LRRC8E: variants seen among roughly 807,000 people sequenced by gnomAD.
The protein encoded by LRRC8E is volume-regulated anion channel subunit LRRC8E.
LRRC8E carries 6 observed loss-of-function variants against 6.1 expected under a neutral mutation model. That is an observed-to-expected ratio of 0.98 (90% CI 0.54 to 1.93). The LOEUF is 1.93. LRRC8E is among the 30% of genes most tolerant of loss of function. LRRC8E has a pLI of 0.01. For missense variants in LRRC8E, 1,028 were observed against 1,031.4 expected (o/e 1.00, Z 0.04); for synonymous variants, 485 against 472.8 (o/e 1.03, Z -0.33).
intron 1 of LRRC8E, among the ~76,000 whole-genome samples, chr19:7,894,506 C>T (rs1326486270): frequency 6.6e-6 from 1 of 152,208 alleles, no homozygotes; most frequent in Non-Finnish European, 1.5e-5. Flanking sequence ...GGATTACAGG[C>T]ATGAGCCACC....
chr19:7,900,711 G>A lies in LRRC8E; in HGVS notation c.2189G>A (p.Gly730Asp). ...FCRKLRTLLL[G>D]DNQLSQLSPH... The stretch of plus-strand genomic sequence containing the variant: ...CGCAAGCTGCGGACGTTGCTTCTGG[G>A]CGACAACCAGCTGAGCCAGCTCTCG... The change falls in exon 3 of 3, where the codon GGC (glycine) becomes GAC (aspartate). Residue 730 changes from glycine (G) to aspartate (D), a missense_variant. Gly to Asp is a moderately conservative substitution (Grantham distance 94). Coordinates refer to ENST00000306708, the MANE Select transcript of LRRC8E (RefSeq NM_025061.6). This position sits in a 1 kb window ranked among gnomAD's most constrained non-coding sequence, Gnocchi z 5.0. 1 of 1,613,332 alleles carries A rather than the reference G, an allele frequency of 6.2e-7. No individual in the cohort carries two copies. The highest frequency in any genetic ancestry group is 8.5e-7 in the Non-Finnish European group (1 of 1,179,992).
intron 2 of LRRC8E, among the ~76,000 whole-genome samples, chr19:7,898,177 C>T (rs1260543120): frequency 7.0e-6 from 1 of 143,010 alleles, no homozygotes; most frequent in Non-Finnish European, 1.5e-5. Flanking sequence ...CCACTGCACA[C>T]AGCCTGACAG....
rs111819396 is a variant in LRRC8E at position 7,888,610 on chromosome 19, T to A, written c.-6+10T>A. On this transcript the variant is annotated intron_variant, in intron 1 of 2. Transcript: ENST00000306708. The stretch of plus-strand genomic sequence containing the variant: ...CGTCCCTCCCGGAACGGTGAGTAGG[T>A]GGCTCTTTGCCTCTGGACACCCCAC... The A allele has an allele frequency of 8.3e-4, 126 of 152,248 alleles. 1 individual carries two copies. Among genetic ancestry groups the A allele is most frequent in the African/African-American group, 2.4e-3 (99 of 41,552 alleles). 9.4% of individuals were successfully genotyped at this position (152,248 alleles called of 1,614,324 possible).
chr19:7,890,528 G>A (rs930274027), intron 1 of LRRC8E, among the ~76,000 whole-genome samples: 11 of 151,964 alleles, frequency 7.2e-5, no homozygotes, highest in African/African-American at 1.2e-4. Flanking sequence ...GGTGGCGCAC[G>A]CCTGTAATCC....
At position 7,899,145 on chromosome 19, in the gene LRRC8E, C is replaced by T. The variant is rs767909728; in HGVS notation, c.623C>T (p.Ala208Val). ...AGEGEKEKVL[A>V]EPEKVVTEPP... Reference sequence around the variant, plus strand: ...GAGGGTGAGAAGGAGAAAGTGCTGGCGGAACCGGAGAAGGTGGTGACCGAG... The same window carrying T: ...GAGGGTGAGAAGGAGAAAGTGCTGGTGGAACCGGAGAAGGTGGTGACCGAG... The change falls in exon 3 of 3, where the codon GCG becomes GTG. Residue 208 changes from alanine to valine, a missense_variant. Coordinates refer to ENST00000306708, the MANE Select transcript of LRRC8E (RefSeq NM_025061.6). The T allele has an allele frequency of 5.0e-6, 8 of 1,613,488 alleles. No individual in the cohort carries two copies. In the Admixed American group the frequency reaches 5.0e-5, roughly 10 times the overall value.
chr19:7,901,068 T>G lies in LRRC8E; in HGVS notation c.*155T>G. ...CATCTTTCTGGGGCCCAGGAGGATC[T>G]GGGCTGGTTTGTCTGGGGAGACAGA... On this transcript the variant is annotated 3_prime_UTR_variant, in exon 3 of 3. Transcript: ENST00000306708. 1 of 632,430 alleles carries G rather than the reference T, an allele frequency of 1.6e-6. No individual in the cohort carries two copies. The highest frequency in any genetic ancestry group is 2.6e-6 in the Non-Finnish European group (1 of 388,818). 39.2% of individuals were successfully genotyped at this position (632,430 alleles called of 1,614,324 possible). A position where few individuals can be genotyped will look rare whatever the true frequency, so the allele number is the denominator to read the frequency against.
At position 7,898,955 on chromosome 19, in the gene LRRC8E, A is replaced by G; in HGVS notation, c.433A>G (p.Lys145Glu). ...GTTCAAGTTCCCTGGCACCAGCTCC[A>G]AGATTGAACACTTCATCTCCATCCT... is the stretch of plus-strand genomic sequence containing the variant. ...FWFKFPGTSSKIEHFISILGK... is the reference protein window; with the variant it reads ...FWFKFPGTSSEIEHFISILGK... The change falls in exon 3 of 3, where the codon AAG (lysine) becomes GAG (glutamate). Residue 145 changes from lysine to glutamate, a missense_variant. Transcript: ENST00000306708. 6.2e-7 allele frequency: 1 copy of G among 1,614,144 alleles called. No homozygotes were observed. The highest frequency in any genetic ancestry group is 8.5e-7 in the Non-Finnish European group (1 of 1,180,038).
Position 7,895,761 on chromosome 19 carries a change from A to G in LRRC8E, c.138+20A>G. The G allele has an allele frequency of 2.5e-6, 4 of 1,609,276 alleles. No homozygotes were observed. The African/African-American group carries it at 4.0e-5, about 16-fold the overall frequency. On this transcript the variant is annotated intron_variant, in intron 2 of 2. Transcript: ENST00000306708. This position sits in a 1 kb window ranked among gnomAD's most constrained non-coding sequence, Gnocchi z 4.7. Reference sequence around the variant, plus strand: ...CTCCAGGTGAGGCCCTCCCCTGGCAAGGGGGTGTGACCAGAGGGGCGGGGC... The same window carrying G: ...CTCCAGGTGAGGCCCTCCCCTGGCAGGGGGGTGTGACCAGAGGGGCGGGGC...
intron 2 of LRRC8E, among the ~76,000 whole-genome samples, chr19:7,898,170 C>G (rs1253639008): frequency 6.7e-6 from 1 of 148,554 alleles, no homozygotes; most frequent in Non-Finnish European, 1.5e-5. Flanking sequence ...GATTGCACCA[C>G]TGCACACAGC....
At chr19:7,894,045 G>A (rs1981451267) in intron 1 of LRRC8E, among the ~76,000 whole-genome samples, 1 of 152,076 alleles carries the variant, frequency 6.6e-6, no homozygotes, top group South Asian at 2.1e-4. Flanking sequence ...AATATGGGGG[G>A]GACACAAACT....
Position 7,900,678 on chromosome 19 carries a change from T to C in LRRC8E, c.2156T>C (p.Phe719Ser). 1 of 1,613,386 alleles carries C rather than the reference T, an allele frequency of 6.2e-7. No individual in the cohort carries two copies. The highest frequency in any genetic ancestry group is 8.5e-7 in the Non-Finnish European group (1 of 1,180,036). ...NALEALPEELFFCRKLRTLLL... is the reference protein window; with the variant it reads ...NALEALPEELSFCRKLRTLLL... ...CTGGAGGCCCTGCCCGAAGAGCTCT[T>C]CTTCTGCCGCAAGCTGCGGACGTTG... Residue 719 changes from phenylalanine (F) to serine (S), a missense_variant, in exon 3 of 3, where the codon TTC (phenylalanine) becomes TCC (serine). Phe to Ser is a radical substitution (Grantham distance 155). Coordinates refer to ENST00000306708, the MANE Select transcript of LRRC8E (RefSeq NM_025061.6). This position sits in a 1 kb window ranked among gnomAD's most constrained non-coding sequence, Gnocchi z 5.0.
In LRRC8E at chr19:7,900,506, TACA is replaced by T. The variant is rs775855609; in HGVS notation, c.1989_1991del (p.Asn663del). 27 of 1,612,858 alleles carry T rather than the reference TACA, an allele frequency of 1.7e-5. No homozygotes were observed. The highest frequency in any genetic ancestry group is 4.0e-5 in the African/African-American group (3 of 74,928). On this transcript the variant is annotated inframe_deletion, in exon 3 of 3. Transcript: ENST00000306708. This position sits in a 1 kb window ranked among gnomAD's most constrained non-coding sequence, Gnocchi z 5.0. ...GAGCCTGGAGCAGCTCTACCTCAGC[TACA>T]ACAAGCTGGAGACCCTGCCCTCCCA...
chr19:7,895,211 G>C lies in LRRC8E; in HGVS notation c.-5-388G>C. The C allele has an allele frequency of 5.4e-6, 1 of 186,722 alleles. No individual in the cohort carries two copies. Among genetic ancestry groups the C allele is most frequent in the African/African-American group, 2.3e-5 (1 of 43,742 alleles). The allele number at this position is 186,722 out of a possible 1,614,324, so 11.6% of individuals were successfully genotyped here. ...GACGCTGAGTGTCTGCAGTCAGGGA[G>C]CATCGAGGCAGATGTTTTCAGGCCT... On this transcript the variant is annotated intron_variant, in intron 1 of 2. Transcript: ENST00000306708. This position sits in a 1 kb window ranked among gnomAD's most constrained non-coding sequence, Gnocchi z 4.7.
At chr19:7,888,968 G>A (rs1461357303) in intron 1 of LRRC8E, among the ~76,000 whole-genome samples, 1 of 152,110 alleles carries the variant, frequency 6.6e-6, no homozygotes, top group Non-Finnish European at 1.5e-5. Context: ...TACCACTTGG[G>A]GTGGGTTCAA....
intron 1 of LRRC8E, 52 bp downstream of exon 1, chr19:7,888,652 G>T (rs1981142265): frequency 6.6e-6 from 1 of 152,302 alleles, no homozygotes; most frequent in South Asian, 2.1e-4. Flanking sequence ...GCAGGGTGGG[G>T]GTCGGGCTGG....
chr19:7,890,433 C>T (rs2145093009), intron 1 of LRRC8E, among the ~76,000 whole-genome samples: 2 of 152,182 alleles, frequency 1.3e-5, no homozygotes, highest in South Asian at 4.2e-4. Flanking sequence ...CTCTGTTGCC[C>T]AGGCTGGATT....
rs375747837 is a variant in LRRC8E, at chr19:7,899,331, T to A, written c.809T>A (p.Leu270Gln). The A allele has an allele frequency of 6.2e-7, 1 of 1,614,232 alleles. No individual in the cohort carries two copies. The highest frequency in any genetic ancestry group is 2.2e-5 in the East Asian group (1 of 44,888). The change falls in exon 3 of 3, where the codon CTG (leucine) becomes CAG (glutamine). Residue 270 changes from leucine (L) to glutamine (Q), a missense_variant. Physicochemically the swap from Leu to Gln is moderately radical, Grantham distance 113. Coordinates refer to ENST00000306708, the MANE Select transcript of LRRC8E (RefSeq NM_025061.6). ...AAAGTGTGTAAGTTCCTGGCCATCCTGGTCTACAACCTGGTCTATGTGGAG... is the reference window on the plus strand; with the variant it reads ...AAAGTGTGTAAGTTCCTGGCCATCCAGGTCTACAACCTGGTCTATGTGGAG... ...VLKVCKFLAILVYNLVYVEKI... is the reference protein window; with the variant it reads ...VLKVCKFLAIQVYNLVYVEKI...
chr19:7,897,936 TGTG>T (rs1478904959), intron 2 of LRRC8E, among the ~76,000 whole-genome samples: 37 of 152,144 alleles, frequency 2.4e-4, no homozygotes, highest in Non-Finnish European at 5.9e-5. Flanking sequence ...CTTTGTCAGT[TGTG>T]GTGGCTCATT....
At chr19:7,898,446 A>G (rs1351084525) in intron 2 of LRRC8E, among the ~76,000 whole-genome samples, 3 of 151,710 alleles carry the variant, frequency 2.0e-5, no homozygotes, top group Admixed American at 1.3e-4. Context: ...TGCAACCTCC[A>G]TCTTCCGGGT....
Sources: gnomAD v4.1 joint callset for allele counts (sites outside exome capture counted in the v4.1 genomes callset) on GRCh38, gnomAD v4.1.1 for gene constraint, Gnocchi (gnomAD v3.1) non-coding constraint, MANE v1.5 for transcripts, NCBI Gene and HGNC (gene_info 2026-07-23, HGNC 2026-07-21) for gene names.